HS3ST5: variants seen among roughly 807,000 people sequenced by gnomAD.
The protein encoded by HS3ST5 is heparan sulfate glucosamine 3-O-sulfotransferase 5.
Under a neutral mutation model 25.4 loss-of-function variants are expected in HS3ST5, and 10 were observed. That is an observed-to-expected ratio of 0.39 (90% CI 0.24 to 0.67). The LOEUF (loss-of-function observed/expected upper bound fraction) is 0.67, where lower values mean the gene tolerates loss of function less well. HS3ST5 is among the 30% of genes least tolerant of loss of function. HS3ST5 has a pLI of 0.44. For synonymous variants in HS3ST5, 170 were observed against 162.4 expected, an observed-to-expected ratio of 1.05 and a Z score of -0.36; for missense variants, 324 against 420.7, an observed-to-expected ratio of 0.77 and a Z score of 2.01.
Position 114,252,764 on chromosome 6 carries a change from C to T in HS3ST5, c.-338-23986G>A, listed in dbSNP as rs1342569983. On this transcript the variant is annotated intron_variant, in intron 1 of 4. Coordinates refer to ENST00000312719, the MANE Select transcript of HS3ST5 (RefSeq NM_153612.4). ...ACAGGATGGGAACAGAAGTTCTGCC[C>T]TTTATGTATTTTCATAGATCAGGTT... 2.6e-5 allele frequency among the ~76,000 whole-genome samples: 4 copies of T among 152,156 alleles called. No individual in the cohort carries two copies. In the East Asian group the frequency reaches 7.7e-4, roughly 29 times the overall value.
intron 3 of HS3ST5, among the ~76,000 whole-genome samples, chr6:114,162,816 C>T (rs1370784472): frequency 6.6e-6 from 1 of 152,184 alleles, no homozygotes; most frequent in Admixed American, 6.6e-5. Context: ...CACTTCAACC[C>T]ATAGTCAGCA....
intron 3 of HS3ST5, among the ~76,000 whole-genome samples, chr6:114,150,784 C>T (rs1304437679): frequency 1.3e-5 from 2 of 152,168 alleles, no homozygotes; most frequent in East Asian, 1.9e-4. Flanking sequence ...CATTTGTACT[C>T]ATATTTATTT....
chr6:114,133,446 T>C (rs1777445776), intron 3 of HS3ST5, among the ~76,000 whole-genome samples: 1 of 152,212 alleles, frequency 6.6e-6, no homozygotes, highest in African/African-American at 2.4e-5. Flanking sequence ...ATATACACAG[T>C]TGCACTTTAG....
chr6:114,213,346 T>TG (rs1333844718), intron 2 of HS3ST5, among the ~76,000 whole-genome samples: 3 of 4,498 alleles, frequency 6.7e-4, no homozygotes, highest in Non-Finnish European at 1.5e-3. Context: ...GCGGCGGGGG[T>TG]GGGGGGGTGG....
chr6:114,234,546 C>T (rs1771764340), intron 1 of HS3ST5, among the ~76,000 whole-genome samples: 1 of 151,222 alleles, frequency 6.6e-6, no homozygotes, highest in South Asian at 2.1e-4. Context: ...TTTCATTTTT[C>T]CTGAAACATA....
intron 1 of HS3ST5, among the ~76,000 whole-genome samples, chr6:114,299,942 C>A: frequency 6.6e-6 from 1 of 152,170 alleles, no homozygotes; most frequent in Admixed American, 6.5e-5. Context: ...AAAAGGACTT[C>A]CTGAAAACTG....
chr6:114,084,505 C>T (rs1175614629), intron 3 of HS3ST5: 13 of 758,424 alleles, frequency 1.7e-5, no homozygotes, highest in Non-Finnish European at 2.4e-5. Flanking sequence ...GCCACGCATG[C>T]GCAGAACTTC....
chr6:114,145,618 C>T (rs1488932175), intron 3 of HS3ST5, among the ~76,000 whole-genome samples: 2 of 152,110 alleles, frequency 1.3e-5, no homozygotes, highest in Non-Finnish European at 2.9e-5. Flanking sequence ...CATAAAGGTT[C>T]AATGAGAGTG....
At chr6:114,239,512 T>A (rs1772006213) in intron 1 of HS3ST5, among the ~76,000 whole-genome samples, 1 of 152,196 alleles carries the variant, frequency 6.6e-6, no homozygotes, top group African/African-American at 2.4e-5. Context: ...ATACAAGGGT[T>A]AGACCTCTGT....
At chr6:114,070,144 T>C (rs1405522928) in intron 3 of HS3ST5, among the ~76,000 whole-genome samples, 1 of 152,102 alleles carries the variant, frequency 6.6e-6, no homozygotes, top group Non-Finnish European at 1.5e-5. Context: ...ATCACTCTCA[T>C]GCCTTTGTGC....
chr6:114,213,696 A>G (rs1355107829), intron 2 of HS3ST5, among the ~76,000 whole-genome samples: 1 of 152,156 alleles, frequency 6.6e-6, no homozygotes, highest in African/African-American at 2.4e-5. Flanking sequence ...ATAGTCTCCT[A>G]GAGGACAAGG....
At chr6:114,323,931 T>C (rs910630558) in intron 1 of HS3ST5, among the ~76,000 whole-genome samples, 4 of 152,058 alleles carry the variant, frequency 2.6e-5, no homozygotes, top group Non-Finnish European at 5.9e-5. Context: ...AGAGGGTGAG[T>C]AGCTGTGCTG....
intron 2 of HS3ST5, among the ~76,000 whole-genome samples, chr6:114,214,477 G>A (rs1430129343): frequency 6.6e-6 from 1 of 152,046 alleles, no homozygotes; most frequent in Non-Finnish European, 1.5e-5. Flanking sequence ...CTTACATTTG[G>A]ACATGTATAT....
chr6:114,090,514 A>G (rs1775067507), intron 3 of HS3ST5, among the ~76,000 whole-genome samples: 1 of 152,152 alleles, frequency 6.6e-6, no homozygotes, highest in Non-Finnish European at 1.5e-5. Context: ...AACAAATTTT[A>G]GAACACCAAA....
intron 2 of HS3ST5, among the ~76,000 whole-genome samples, chr6:114,197,263 T>A (rs1780806216): frequency 6.6e-6 from 1 of 152,082 alleles, no homozygotes; most frequent in Non-Finnish European, 1.5e-5. Flanking sequence ...TCTGTATTAT[T>A]GATATTTGTT....
At chr6:114,248,333 C>A (rs1772482133) in intron 1 of HS3ST5, among the ~76,000 whole-genome samples, 2 of 150,438 alleles carry the variant, frequency 1.3e-5, no homozygotes, top group South Asian at 4.2e-4. Flanking sequence ...AATAAGAGAA[C>A]AACTAATCTT....
At chr6:114,226,460 T>C (rs1475988046) in intron 2 of HS3ST5, among the ~76,000 whole-genome samples, 1 of 151,956 alleles carries the variant, frequency 6.6e-6, no homozygotes, top group Non-Finnish European at 1.5e-5. Flanking sequence ...AAGAAATCAT[T>C]ATTGAAAAAC....
At chr6:114,341,212 GGAGAGAGGGGGAGAGA>G (rs1776834188) in intron 1 of HS3ST5, among the ~76,000 whole-genome samples, 1 of 82,954 alleles carries the variant, frequency 1.2e-5, no homozygotes, top group Non-Finnish European at 2.3e-5. Flanking sequence ...GAGGGAATAG[GGAGAGAGGGGGAGAGA>G]GAGAGAGAGA....
Position 114,084,692 on chromosome 6 carries a change from C to T in HS3ST5, c.-32-21815G>A, listed in dbSNP as rs1001831613. The T allele has an allele frequency of 3.1e-6, 4 of 1,273,086 alleles. No homozygotes were observed. In the African/African-American group the frequency reaches 4.4e-5, roughly 14 times the overall value. The allele number at this position is 1,273,086 out of a possible 1,614,324, so 78.9% of individuals were successfully genotyped here. On this transcript the variant is annotated intron_variant, in intron 3 of 4. Coordinates refer to ENST00000312719, the MANE Select transcript of HS3ST5 (RefSeq NM_153612.4). Reference sequence around the variant, plus strand: ...CCTGGGGTCAGTAACCACAAGAAGCCGTGGCTCCTGGAAGGCTGCCTGGAT... The same window carrying T: ...CCTGGGGTCAGTAACCACAAGAAGCTGTGGCTCCTGGAAGGCTGCCTGGAT...
Sources: allele counts gnomAD v4.1 joint callset (sites outside exome capture counted in the v4.1 genomes callset), GRCh38; gene constraint gnomAD v4.1.1; transcripts MANE v1.5; gene names NCBI Gene and HGNC (gene_info 2026-07-23, HGNC 2026-07-21).